GLDC: variants seen among roughly 807,000 people sequenced by gnomAD.
GLDC encodes the protein glycine decarboxylase.
A neutral mutation model predicts 121.3 loss-of-function variants in GLDC; 104 were observed. That is an observed-to-expected ratio of 0.86 (90% CI 0.73 to 1.01). The LOEUF is 1.01. Ranked by LOEUF, GLDC falls within the 50% of genes least tolerant of loss-of-function variation. The pLI, the probability that GLDC is intolerant of heterozygous loss-of-function variation, is 0.00. For missense variants in GLDC, 1,429 were observed against 1,306.6 expected, an observed-to-expected ratio of 1.09 and a Z score of -1.44; for synonymous variants, 546 against 480.6, an observed-to-expected ratio of 1.14 and a Z score of -1.78.
At chr9:6,605,407 C>A in intron 5 of GLDC, 129 bp from the exon 6 acceptor site, 1 of 845,150 alleles carries the variant, frequency 1.2e-6, no homozygotes, top group Non-Finnish European at 1.9e-6. Context: ...CCCCTGCCCA[C>A]ATCCCGTCCC....
chr9:6,583,733 A>G (rs1196972622), intron 15 of GLDC, among the ~76,000 whole-genome samples: 1 of 152,210 alleles, frequency 6.6e-6, no homozygotes, highest in Non-Finnish European at 1.5e-5. Context: ...TGAACCTTGA[A>G]GACATTATGC....
At chr9:6,593,059 G>C (rs1310112164) in intron 9 of GLDC, 69 bp from the exon 10 acceptor site, 5 of 1,522,194 alleles carry the variant, frequency 3.3e-6, no homozygotes, top group Non-Finnish European at 4.6e-6. Context: ...ACATGTCACA[G>C]AATAATAAAG....
At chr9:6,606,697 C>T (rs1433323312) in intron 4 of GLDC, 28 bp from the exon 5 acceptor site, 7 of 1,289,942 alleles carry the variant, frequency 5.4e-6, no homozygotes, top group South Asian at 1.2e-5. Flanking sequence ...CACATTCCAA[C>T]GTGAACATTA....
chr9:6,604,802 G>C lies in GLDC; in HGVS notation c.862-18C>G, dbSNP rs761202825. ...GCCAGGCTCTAGAAAGGAAGTGAGA[G>C]AAAAGGAACAAGGTTGCTACCTTTC... On this transcript the variant is annotated intron_variant, in intron 6 of 24. Coordinates refer to ENST00000321612, the MANE Select transcript of GLDC (RefSeq NM_000170.3). The C allele has an allele frequency of 3.7e-6, 6 of 1,605,316 alleles. No individual in the cohort carries two copies. In the African/African-American group the frequency reaches 6.7e-5, roughly 18 times the overall value.
At chr9:6,629,610 AAC>A (rs34056367) in intron 2 of GLDC, among the ~76,000 whole-genome samples, 87,822 of 150,518 alleles carry the variant, frequency 0.58, 26,888 homozygotes, top group African/African-American at 0.77. Context: ...GCTACAACTA[AAC>A]ACACACACAC....
chr9:6,572,524 C>CA (rs1230000956), intron 15 of GLDC, among the ~76,000 whole-genome samples: 3 of 151,810 alleles, frequency 2.0e-5, no homozygotes, highest in Admixed American at 1.3e-4. Flanking sequence ...CCTATGAAAG[C>CA]AAAAAGGATT....
rs374248745 is a variant in GLDC at position 6,610,370 on chromosome 9, A to C, written c.471-14T>G. Reference sequence around the variant, plus strand: ...TACTGGGTGATCCTGCAAGGGAAACAAAAGGTCTTGTCCAAACTGACTGCT... The same window carrying C: ...TACTGGGTGATCCTGCAAGGGAAACCAAAGGTCTTGTCCAAACTGACTGCT... On this transcript the variant is annotated splice_polypyrimidine_tract_variant and intron_variant, in intron 3 of 24. Coordinates refer to ENST00000321612, the MANE Select transcript of GLDC (RefSeq NM_000170.3). 15 of 1,613,640 alleles carry C rather than the reference A, an allele frequency of 9.3e-6. No homozygotes were observed. Among genetic ancestry groups the C allele is most frequent in the Non-Finnish European group, 1.2e-5 (14 of 1,179,570 alleles).
chr9:6,606,505 A>G (rs1225886392), intron 5 of GLDC, 87 bp downstream of exon 5: 2 of 901,992 alleles, frequency 2.2e-6, no homozygotes, highest in East Asian at 2.4e-5. Context: ...ATTCACCTCC[A>G]ATCAGTTTGG....
chr9:6,577,793 G>T (rs928402593), intron 15 of GLDC, among the ~76,000 whole-genome samples: 1 of 150,638 alleles, frequency 6.6e-6, no homozygotes, highest in African/African-American at 2.5e-5. Context: ...CTCCTCTCCT[G>T]CTCCCCATCT....
In GLDC at chr9:6,628,917, C is replaced by T. The variant is rs1032902057; in HGVS notation, c.335-8598G>A. Among the ~76,000 whole-genome samples the T allele has an allele frequency of 4.6e-5, 7 of 152,196 alleles. No homozygotes were observed. The South Asian group carries it at 1.0e-3, about 23-fold the overall frequency. ...TGCAGAATAAATGCCTGCTTCTGACCTTGTTTATTCTGCCTCAGAGCATTG... is the reference window on the plus strand; with the variant it reads ...TGCAGAATAAATGCCTGCTTCTGACTTTGTTTATTCTGCCTCAGAGCATTG... On this transcript the variant is annotated intron_variant, in intron 2 of 24. Coordinates refer to ENST00000321612, the MANE Select transcript of GLDC (RefSeq NM_000170.3).
chr9:6,594,692 TAAGCAAGGAAGCAAGC>T (rs1245327555), intron 9 of GLDC, among the ~76,000 whole-genome samples: 1 of 144,340 alleles, frequency 6.9e-6, no homozygotes, highest in Non-Finnish European at 1.5e-5. Flanking sequence ...AAGACTCCAT[TAAGCAAGGAAGCAAGC>T]AAGCAAGCAA....
In GLDC at chr9:6,553,503, T is replaced by C; in HGVS notation, c.2322A>G (p.Lys774=). The C allele has an allele frequency of 6.2e-7, 1 of 1,605,862 alleles. No individual in the cohort carries two copies. Among genetic ancestry groups the C allele is most frequent in the South Asian group, 1.1e-5 (1 of 90,626 alleles). The part of the protein sequence containing the change: ...GPGMGPIGVK[K]HLAPFLPNHP... ...GATTGGGCAAAAACGGGGCGAGATG[T>C]TTCTTCCTGTATTTTTTTTAAGTGC... The change falls in exon 20 of 25, where the codon AAA becomes AAG. Residue 774 remains lysine (K), a synonymous_variant. Coordinates refer to ENST00000321612, the MANE Select transcript of GLDC (RefSeq NM_000170.3).
At chr9:6,562,168 C>T (rs1817771333) in intron 16 of GLDC, among the ~76,000 whole-genome samples, 1 of 152,150 alleles carries the variant, frequency 6.6e-6, no homozygotes, top group South Asian at 2.1e-4. Context: ...GTGTTAAAGG[C>T]CATGCCTGGT....
At chr9:6,612,166 G>T (rs1384186780) in intron 3 of GLDC, among the ~76,000 whole-genome samples, 2 of 146,544 alleles carry the variant, frequency 1.4e-5, no homozygotes, top group African/African-American at 5.2e-5. Flanking sequence ...AATCCATTCT[G>T]TTGTATACAC....
chr9:6,598,558 C>CG (rs1269152746), intron 8 of GLDC, among the ~76,000 whole-genome samples: 1 of 152,138 alleles, frequency 6.6e-6, no homozygotes, highest in African/African-American at 2.4e-5. Context: ...CAACAGAAGG[C>CG]GGGGGTCAAA....
chr9:6,624,165 T>C (rs886891133), intron 2 of GLDC, among the ~76,000 whole-genome samples: 6 of 152,222 alleles, frequency 3.9e-5, no homozygotes, highest in African/African-American at 1.4e-4. Flanking sequence ...GCCAGCACTA[T>C]AGTCCAGGAG....
chr9:6,592,051 G>C, intron 11 of GLDC, 92 bp downstream of exon 11: 1 of 799,502 alleles, frequency 1.3e-6, no homozygotes, highest in African/African-American at 1.7e-5. Context: ...TGTCACACTT[G>C]GGCCCCTTCT....
rs1404713643 is a variant in GLDC, at chr9:6,645,285, T to C, written c.215A>G (p.Asp72Gly). 1 of 1,602,922 alleles carries C rather than the reference T, an allele frequency of 6.2e-7. No homozygotes were observed. The highest frequency in any genetic ancestry group is 8.5e-7 in the Non-Finnish European group (1 of 1,175,220). The change falls in exon 1 of 25, where the codon GAC becomes GGC. Residue 72 changes from aspartate to glycine, a missense_variant. Asp to Gly is a moderately conservative substitution (Grantham distance 94, BLOSUM62 -1). Transcript: ENST00000321612. Reference sequence around the variant, plus strand: ...CTGCAGCATCTCTCTCTGGTCTTTGTCCCCAGGGCCGATGTGCCTCCGAGC... The same window carrying C: ...CTGCAGCATCTCTCTCTGGTCTTTGCCCCCAGGGCCGATGTGCCTCCGAGC... ...DFARRHIGPG[D>G]KDQREMLQTL...
At chr9:6,637,230 C>T (rs928492427) in intron 2 of GLDC, among the ~76,000 whole-genome samples, 27 of 151,810 alleles carry the variant, frequency 1.8e-4, no homozygotes, top group Non-Finnish European at 4.4e-5. Context: ...CATGGTGAAA[C>T]CCCGTCTCTA....
Sources: allele counts gnomAD v4.1 joint callset (sites outside exome capture counted in the v4.1 genomes callset), GRCh38; gene constraint gnomAD v4.1.1; transcripts MANE v1.5; gene names NCBI Gene and HGNC (gene_info 2026-07-23, HGNC 2026-07-21).